Variants in ASAP1 observed in about 807,000 individuals in gnomAD.
ASAP1 encodes ArfGAP with SH3 domain, ankyrin repeat and PH domain 1, also known as arf-GAP with SH3 domain, ANK repeat and PH domain-containing protein 1.
In ASAP1, 43 loss-of-function variants were observed where a neutral mutation model predicts 145.2. The observed-to-expected ratio is 0.30, with a 90% CI of 0.23 to 0.38. The LOEUF is 0.38. ASAP1 is among the 10% of genes least tolerant of loss of function. The probability of loss-of-function intolerance (pLI) is 1.00; values close to 1 mark genes in which losing one functional copy is unlikely to be tolerated. For synonymous variants in ASAP1, 546 were observed against 515.5 expected, an observed-to-expected ratio of 1.06 and a Z score of -0.80; for missense variants, 1,018 against 1,355.3, an observed-to-expected ratio of 0.75 and a Z score of 3.91.
At chr8:130,347,897 C>G (rs533517027) in intron 3 of ASAP1, among the ~76,000 whole-genome samples, 1 of 152,282 alleles carries the variant, frequency 6.6e-6, no homozygotes, top group African/African-American at 2.4e-5. Flanking sequence ...CCAATAAGTC[C>G]CCATTTTGCT....
At chr8:130,139,868 C>T (rs369475818) in intron 13 of ASAP1, among the ~76,000 whole-genome samples, 13 of 149,964 alleles carry the variant, frequency 8.7e-5, no homozygotes, top group Middle Eastern at 3.5e-3. Flanking sequence ...TAGATTTCTC[C>T]GGTGTTTCTG....
intron 3 of ASAP1, among the ~76,000 whole-genome samples, chr8:130,309,503 G>T (rs1823198226): frequency 6.6e-6 from 1 of 152,176 alleles, no homozygotes; most frequent in African/African-American, 2.4e-5. Context: ...ATGAGGCACG[G>T]TATGCAACTG....
chr8:130,159,129 C>T (rs1299405125), intron 12 of ASAP1, among the ~76,000 whole-genome samples: 1 of 152,192 alleles, frequency 6.6e-6, no homozygotes, highest in Non-Finnish European at 1.5e-5. Context: ...TAGGAGGCCG[C>T]TGAATACTCC....
chr8:130,347,150 A>G lies in ASAP1; in HGVS notation c.186+10867T>C, dbSNP rs77269502. ...GCCTGGTCTTCCATCCATCCTGGAT[A>G]TCTACGGAAAGATTATTCAAGGAGC... On this transcript the variant is annotated intron_variant, in intron 3 of 29. Transcript: ENST00000518721. 9.2e-3 allele frequency among the ~76,000 whole-genome samples: 1,401 copies of G among 152,364 alleles called. 11 individuals carry two copies. The highest frequency in any genetic ancestry group is 0.014 in the Non-Finnish European group (925 of 68,040).
intron 3 of ASAP1, among the ~76,000 whole-genome samples, chr8:130,337,104 G>A (rs1825084983): frequency 6.6e-6 from 1 of 152,154 alleles, no homozygotes; most frequent in Admixed American, 6.6e-5. Flanking sequence ...GTTTGTATGA[G>A]GAAATAAGGA....
At chr8:130,238,935 A>G (rs943218586) in intron 3 of ASAP1, among the ~76,000 whole-genome samples, 1 of 152,116 alleles carries the variant, frequency 6.6e-6, no homozygotes, top group Non-Finnish European at 1.5e-5. Context: ...TTCTAACTCC[A>G]TATCTTATCA....
In ASAP1 at chr8:130,085,289, C is replaced by T. The variant is rs546458503; in HGVS notation, c.2573-5318G>A. On this transcript the variant is annotated intron_variant, in intron 25 of 29. Coordinates refer to ENST00000518721, the MANE Select transcript of ASAP1 (RefSeq NM_018482.4). Reference sequence around the variant, plus strand: ...GTCAAATCCGTGGCCCACTTCCAGACACTGTATGTGACTTTTTGTTACTCA... The same window carrying T: ...GTCAAATCCGTGGCCCACTTCCAGATACTGTATGTGACTTTTTGTTACTCA... Among the ~76,000 whole-genome samples the T allele has an allele frequency of 6.0e-4, 92 of 152,336 alleles. 1 individual carries two copies. Among genetic ancestry groups the T allele is most frequent in the African/African-American group, 1.9e-3 (77 of 41,574 alleles).
In ASAP1 at chr8:130,058,049, T is replaced by A; in HGVS notation, c.3220A>T (p.Thr1074Ser). The change falls in exon 29 of 30, where the codon ACC becomes TCC. Residue 1074 changes from threonine (T) to serine (S), a missense_variant. Coordinates refer to ENST00000518721, the MANE Select transcript of ASAP1 (RefSeq NM_018482.4). ...TGKNKVRRVK[T>S]IYDCQADNDD... Reference sequence around the variant, plus strand: ...TTGTCTGCCTGGCAGTCATAAATGGTCTTCACTCGCCTCACTTTATTTTTC... The same window carrying A: ...TTGTCTGCCTGGCAGTCATAAATGGACTTCACTCGCCTCACTTTATTTTTC... 6.2e-7 allele frequency: 1 copy of A among 1,614,148 alleles called. No homozygotes were observed. The highest frequency in any genetic ancestry group is 1.1e-5 in the South Asian group (1 of 91,088).
chr8:130,170,989 T>G (rs1313029226), intron 9 of ASAP1, among the ~76,000 whole-genome samples: 1 of 152,206 alleles, frequency 6.6e-6, no homozygotes, highest in Admixed American at 6.5e-5. Flanking sequence ...GTGCTGAGAT[T>G]AAAGGTGTGA....
chr8:130,090,307 T>C (rs538022198), intron 25 of ASAP1, among the ~76,000 whole-genome samples: 77 of 152,240 alleles, frequency 5.1e-4, no homozygotes, highest in African/African-American at 1.7e-3. Context: ...TAAGAGAAAT[T>C]TGGAAAGGAG....
chr8:130,256,739 T>TTATA (rs58245112), intron 3 of ASAP1, among the ~76,000 whole-genome samples: 1,512 of 95,408 alleles, frequency 0.016, 30 homozygotes, highest in African/African-American at 0.03. Context: ...ATACACATTC[T>TTATA]TATATATATA....
At chr8:130,356,478 T>A (rs750489883) in intron 3 of ASAP1, among the ~76,000 whole-genome samples, 1 of 152,160 alleles carries the variant, frequency 6.6e-6, no homozygotes, top group Non-Finnish European at 1.5e-5. Flanking sequence ...TGGGGTTCAA[T>A]GCCTGGCAAT....
At chr8:130,290,685 A>G (rs1184553129) in intron 3 of ASAP1, among the ~76,000 whole-genome samples, 2 of 152,168 alleles carry the variant, frequency 1.3e-5, no homozygotes, top group Non-Finnish European at 2.9e-5. Flanking sequence ...CACCTCTACC[A>G]ATTGCAAATC....
intron 3 of ASAP1, among the ~76,000 whole-genome samples, chr8:130,269,650 T>C (rs2137060168): frequency 6.6e-6 from 1 of 152,290 alleles, no homozygotes; most frequent in East Asian, 1.9e-4. Flanking sequence ...TGACTGTCTC[T>C]TTCACCCCTA....
chr8:130,167,433 TTATA>T (rs1362320112), intron 11 of ASAP1, 99 bp downstream of exon 11: 1 of 924,038 alleles, frequency 1.1e-6, no homozygotes, highest in Non-Finnish European at 1.8e-6. Flanking sequence ...TACTTGCATA[TTATA>T]TATCACTGTG....
At chr8:130,153,342 T>TATATATATAC in intron 12 of ASAP1, among the ~76,000 whole-genome samples, 1 of 47,132 alleles carries the variant, frequency 2.1e-5, no homozygotes, top group Non-Finnish European at 4.6e-5. Context: ...AATATATATA[T>TATATATATAC]ATATATATAT....
rs145770490 is a variant in ASAP1 at position 130,060,693 on chromosome 8, T to G, written c.3078A>C (p.Leu1026=). The change falls in exon 28 of 30, where the codon CTA becomes CTC. Residue 1026 remains leucine, a synonymous_variant. Coordinates refer to ENST00000518721, the MANE Select transcript of ASAP1 (RefSeq NM_018482.4). ...CGTCTCTGGACTGCACATTTGGGGATAGATCCAATGGGTGTGACTTCAGTG... is the reference window on the plus strand; with the variant it reads ...CGTCTCTGGACTGCACATTTGGGGAGAGATCCAATGGGTGTGACTTCAGTG... ...EVTLKSHPLD[L]SPNVQSRDAI... 8.7e-5 allele frequency: 140 copies of G among 1,614,064 alleles called. No homozygotes were observed. Among genetic ancestry groups the G allele is most frequent in the Non-Finnish European group, 1.1e-4 (128 of 1,180,042 alleles).
rs1379032048 is a variant in ASAP1, at chr8:130,054,432, T to C, written c.*299A>G. ...CCACTTCTATTTGCAAAGCCAGCAG[T>C]TCCTATACTCCTATTTTTGTTTGTT... On this transcript the variant is annotated 3_prime_UTR_variant, in exon 30 of 30. Transcript: ENST00000518721. 3.8e-6 allele frequency: 1 copy of C among 262,658 alleles called. No individual in the cohort carries two copies. The highest frequency in any genetic ancestry group is 7.7e-6 in the Non-Finnish European group (1 of 130,080). The allele number at this position is 262,658 out of a possible 1,614,324, so 16.3% of individuals were successfully genotyped here.
chr8:130,092,381 C>A (rs1387846493), intron 24 of ASAP1, among the ~76,000 whole-genome samples: 1 of 151,984 alleles, frequency 6.6e-6, no homozygotes, highest in Non-Finnish European at 1.5e-5. Flanking sequence ...ATCCCCTGCA[C>A]TGTAGAAAGC....
Sources: gnomAD v4.1 joint callset for allele counts (sites outside exome capture counted in the v4.1 genomes callset) on GRCh38, gnomAD v4.1.1 for gene constraint, MANE v1.5 for transcripts, NCBI Gene and HGNC (gene_info 2026-07-23, HGNC 2026-07-21) for gene names.